The following PTPRB variants were observed in gnomAD, a reference collection of about 807,000 sequenced individuals.
The protein encoded by PTPRB is receptor-type tyrosine-protein phosphatase beta.
Under a neutral mutation model 238.1 loss-of-function variants are expected in PTPRB, and 97 were observed. That is an observed-to-expected ratio of 0.41 (90% CI 0.35 to 0.48). The LOEUF (loss-of-function observed/expected upper bound fraction) is 0.48, where lower values mean the gene tolerates loss of function less well. Among genes scored for constraint, PTPRB ranks in the 20% least tolerant of loss-of-function variants. PTPRB has a pLI of 0.30. For missense variants in PTPRB, 2,292 were observed against 2,681.9 expected (o/e 0.85, Z 3.21); for synonymous variants, 970 against 995.4 (o/e 0.97, Z 0.48).
In PTPRB at chr12:70,560,571, C is replaced by G. The variant is rs1043800036; in HGVS notation, c.4432+100G>C. The G allele has an allele frequency of 1.1e-5, 17 of 1,484,340 alleles. No homozygotes were observed. The highest frequency in any genetic ancestry group is 1.6e-5 in the Non-Finnish European group (17 of 1,094,196). 91.9% of individuals were successfully genotyped at this position (1,484,340 alleles called of 1,614,324 possible). ...ATTCAGGGGCTAGCTCAGGGTATAT[C>G]ATTATTGGCTTTATCTCTTGTCATT... On this transcript the variant is annotated intron_variant, in intron 17 of 33. Coordinates refer to ENST00000334414, the MANE Select transcript of PTPRB (RefSeq NM_001109754.4). The surrounding 1 kb of genome is among the most constrained non-coding windows in gnomAD (Gnocchi z 4.2).
chr12:70,627,302 A>C (rs1885249032), intron 2 of PTPRB, among the ~76,000 whole-genome samples: 1 of 152,196 alleles, frequency 6.6e-6, no homozygotes, highest in Admixed American at 6.5e-5. Context: ...AGTCAGGGAA[A>C]GGGGAGCTGG....
chr12:70,550,913 T>G (rs1458621608), intron 21 of PTPRB, among the ~76,000 whole-genome samples: 1 of 152,094 alleles, frequency 6.6e-6, no homozygotes, highest in Non-Finnish European at 1.5e-5. Flanking sequence ...TTTTTATTTT[T>G]TAGATGGAGT....
Position 70,590,157 on chromosome 12 carries a change from A to G in PTPRB, c.1857T>C (p.Pro619=), listed in dbSNP as rs758239389. 6.2e-7 allele frequency: 1 copy of G among 1,613,330 alleles called. No homozygotes were observed. Among genetic ancestry groups the G allele is most frequent in the Non-Finnish European group, 8.5e-7 (1 of 1,179,568 alleles). Residue 619 remains proline, a synonymous_variant, in exon 8 of 34, where the codon CCT becomes CCC. Transcript: ENST00000334414. ...MRSLVVSWSP[P]AGDWEQYRIL... is the part of the protein sequence containing the mutation. ...TCCGATACTGCTCCCAGTCTCCAGCAGGGGGCGACCAGCTCACTACAAGAG... is the reference window on the plus strand; with the variant it reads ...TCCGATACTGCTCCCAGTCTCCAGCGGGGGGCGACCAGCTCACTACAAGAG...
At chr12:70,554,059 C>T (rs1877293310) in intron 20 of PTPRB, among the ~76,000 whole-genome samples, 1 of 152,216 alleles carries the variant, frequency 6.6e-6, no homozygotes, top group Admixed American at 6.5e-5. Context: ...AGTCTTTCCA[C>T]AGTTCACTAA....
At chr12:70,630,327 A>G (rs1885391241) in intron 2 of PTPRB, among the ~76,000 whole-genome samples, 1 of 152,240 alleles carries the variant, frequency 6.6e-6, no homozygotes, top group Non-Finnish European at 1.5e-5. Flanking sequence ...CCACATGATT[A>G]TCTCAATAGA....
chr12:70,618,654 T>C (rs1244289115), intron 3 of PTPRB, among the ~76,000 whole-genome samples: 1 of 152,198 alleles, frequency 6.6e-6, no homozygotes, highest in African/African-American at 2.4e-5. Flanking sequence ...GGTCCATACT[T>C]GGCGAACAAT....
chr12:70,594,514 G>A lies in PTPRB; in HGVS notation c.1469C>T (p.Thr490Ile). The A allele has an allele frequency of 6.2e-7, 1 of 1,613,960 alleles. No individual in the cohort carries two copies. The highest frequency in any genetic ancestry group is 8.5e-7 in the Non-Finnish European group (1 of 1,179,866). The change falls in exon 6 of 34, where the codon ACT (threonine) becomes ATT (isoleucine). Residue 490 changes from threonine to isoleucine, a missense_variant. Physicochemically the swap from Thr to Ile is moderately conservative, Grantham distance 89. Transcript: ENST00000334414. Reference protein sequence around the residue: ...PGYLYNLTVMTEAAGLQNYRW... With the variant: ...PGYLYNLTVMIEAAGLQNYRW... ...GTAGTTTTGCAGCCCTGCAGCCTCA[G>A]TCATAACAGTGAGGTTGTAGAGGTA... is the stretch of plus-strand genomic sequence containing the variant.
intron 14 of PTPRB, among the ~76,000 whole-genome samples, chr12:70,569,210 C>T (rs1361373148): frequency 6.6e-6 from 1 of 152,096 alleles, no homozygotes; most frequent in Non-Finnish European, 1.5e-5. Context: ...TCAGGTGATT[C>T]TTCCACCTCA....
intron 4 of PTPRB, among the ~76,000 whole-genome samples, chr12:70,600,966 C>T (rs1348333060): frequency 6.6e-6 from 1 of 152,108 alleles, no homozygotes; most frequent in African/African-American, 2.4e-5. Context: ...CTCCTGGGTT[C>T]AAGCGATTCT....
At chr12:70,609,842 G>C in intron 3 of PTPRB, 3 of 1,562,432 alleles carry the variant, frequency 1.9e-6, no homozygotes, top group Non-Finnish European at 2.6e-6. Context: ...ATCCAGAGGA[G>C]ACCGAGGGGG....
Position 70,528,934 on chromosome 12 carries a change from A to G in PTPRB, c.6504+3101T>C, listed in dbSNP as rs2567144. On this transcript the variant is annotated intron_variant, in intron 32 of 33. Transcript: ENST00000334414. ...TTGAAAGAGAATGAGTTTGACTTTG[A>G]TCTTTTTGAAGTTAGATGGCTATAA... is the stretch of plus-strand genomic sequence containing the variant. 7.1e-3 allele frequency among the ~76,000 whole-genome samples: 1,086 copies of G among 152,100 alleles called. 14 individuals are homozygous for G. The highest frequency in any genetic ancestry group is 0.025 in the African/African-American group (1,023 of 41,528).
At chr12:70,564,412 G>C (rs924376513) in intron 15 of PTPRB, among the ~76,000 whole-genome samples, 1 of 151,792 alleles carries the variant, frequency 6.6e-6, no homozygotes, top group African/African-American at 2.4e-5. Flanking sequence ...GTATGCACTC[G>C]GGAGGCTGAG....
chr12:70,626,212 C>CT (rs1241785927), intron 2 of PTPRB, among the ~76,000 whole-genome samples: 1 of 149,788 alleles, frequency 6.7e-6, no homozygotes, highest in Admixed American at 6.8e-5. Context: ...TATAATGTGC[C>CT]TTTTTAACAG....
In PTPRB at chr12:70,588,110, AAAAGAAAAG is replaced by A. The variant is rs1193319217; in HGVS notation, c.2051-852_2051-844del. Among the ~76,000 whole-genome samples, 993 of 125,232 alleles carry A rather than the reference AAAAGAAAAG, an allele frequency of 7.9e-3. 8 individuals carry two copies. The highest frequency in any genetic ancestry group is 0.032 in the Middle Eastern group (8 of 248). The allele number at this position is 125,232 out of a possible 152,430, so 82.2% of individuals were successfully genotyped here. On this transcript the variant is annotated intron_variant, in intron 8 of 33. Transcript: ENST00000334414. ...GACTCTGTCTCAAAAAAAAAAAAAA[AAAAGAAAAG>A]AAAAGAAAAGAAAAGAATAAAGTGT...
chr12:70,607,835 G>A (rs1592583908), intron 4 of PTPRB, among the ~76,000 whole-genome samples: 1 of 151,946 alleles, frequency 6.6e-6, no homozygotes, highest in Non-Finnish European at 1.5e-5. Context: ...ACAGGTGTGA[G>A]CCACTGCGCC....
At position 70,616,019 on chromosome 12, in the gene PTPRB, C is replaced by CT. The variant is rs201611547; in HGVS notation, c.708+6370dup. 7.7e-3 allele frequency among the ~76,000 whole-genome samples: 1,175 copies of CT among 151,904 alleles called. 9 individuals carry two copies. Among genetic ancestry groups the CT allele is most frequent in the African/African-American group, 0.026 (1,089 of 41,436 alleles). ...TTTTGTCAACGATCTCAATAATATCCTTTTTTTTGCTTGTTTTCTCTCTAG... is the reference window on the plus strand; with the variant it reads ...TTTTGTCAACGATCTCAATAATATCCTTTTTTTTTGCTTGTTTTCTCTCTAG... On this transcript the variant is annotated intron_variant, in intron 3 of 33. Transcript: ENST00000334414.
chr12:70,595,814 T>G (rs140885836), intron 5 of PTPRB, among the ~76,000 whole-genome samples: 14 of 152,266 alleles, frequency 9.2e-5, no homozygotes, highest in Admixed American at 3.3e-4. Context: ...AAACTCCAAT[T>G]CCACAGAAGT....
At chr12:70,524,677 G>T in intron 32 of PTPRB, 86 bp from the exon 33 acceptor site, 2 of 1,342,916 alleles carry the variant, frequency 1.5e-6, no homozygotes, top group Non-Finnish European at 9.9e-7. Flanking sequence ...GACAATGATG[G>T]GATTATATAG....
At chr12:70,626,296 CATCTATCTATCTATCTATCT>C (rs35084668) in intron 2 of PTPRB, among the ~76,000 whole-genome samples, 40 of 91,936 alleles carry the variant, frequency 4.4e-4, no homozygotes, top group South Asian at 3.0e-3. Flanking sequence ...TCTATCCATC[CATCTATCTATCTATCTATCT>C]ATCTATCTAT....
Sources: allele counts gnomAD v4.1 joint callset (sites outside exome capture counted in the v4.1 genomes callset), GRCh38; gene constraint gnomAD v4.1.1; non-coding constraint Gnocchi (gnomAD v3.1); transcripts MANE v1.5; gene names NCBI Gene and HGNC (gene_info 2026-07-23, HGNC 2026-07-21).